The following PRDM16 variants were observed in gnomAD, a reference collection of about 807,000 sequenced individuals.
PRDM16 encodes the protein PR/SET domain 16, also known as histone-lysine N-methyltransferase PRDM16.
In PRDM16, 23 loss-of-function variants were observed where a neutral mutation model predicts 110.6. The observed-to-expected ratio is 0.21, with a 90% CI of 0.15 to 0.29. PRDM16 has a LOEUF of 0.29. Among genes scored for constraint, PRDM16 ranks in the 10% least tolerant of loss-of-function variants. The pLI is 1.00. For synonymous variants in PRDM16, 799 were observed against 781.8 expected (o/e 1.02, Z -0.37); for missense variants, 1,615 against 1,794.3 (o/e 0.90, Z 1.81).
At chr1:3,296,692 G>C (rs1015375553) in intron 3 of PRDM16, among the ~76,000 whole-genome samples, 1 of 152,250 alleles carries the variant, frequency 6.6e-6, no homozygotes, top group Non-Finnish European at 1.5e-5. Context: ...CAGCCTGGAT[G>C]CAGAGAGGGG....
intron 1 of PRDM16, among the ~76,000 whole-genome samples, chr1:3,091,488 G>C (rs1642275247): frequency 6.6e-6 from 1 of 152,220 alleles, no homozygotes; most frequent in African/African-American, 2.4e-5. Context: ...GGCAGGGGTT[G>C]GGCCGAATCC....
At chr1:3,093,214 G>T (rs1048273938) in intron 1 of PRDM16, among the ~76,000 whole-genome samples, 103 of 152,148 alleles carry the variant, frequency 6.8e-4, no homozygotes, top group Admixed American at 1.0e-3. Flanking sequence ...GAGAGCCCAG[G>T]CTACCCCTAT....
chr1:3,227,718 C>A (rs1639322172), intron 2 of PRDM16, among the ~76,000 whole-genome samples: 1 of 152,206 alleles, frequency 6.6e-6, no homozygotes, highest in South Asian at 2.1e-4. Flanking sequence ...CCCGTCTCCG[C>A]CAGCCCTAAC....
rs1336953384 is a variant in PRDM16 at position 3,209,626 on chromosome 1, T to C, written c.387+23152T>C. ...AATGTCCTGGAACCTCACTTCGGGA[T>C]CCTTTGTCGAGACCAATTGGCCACA... On this transcript the variant is annotated intron_variant, in intron 2 of 16. Coordinates refer to ENST00000270722, the MANE Select transcript of PRDM16 (RefSeq NM_022114.4). The surrounding 1 kb of genome is among the most constrained non-coding windows in gnomAD (Gnocchi z 4.6). 6.6e-6 allele frequency among the ~76,000 whole-genome samples: 1 copy of C among 152,184 alleles called. No homozygotes were observed.
chr1:3,154,008 G>A lies in PRDM16; in HGVS notation c.38-32117G>A, dbSNP rs111295051. 2.8e-4 allele frequency among the ~76,000 whole-genome samples: 43 copies of A among 152,326 alleles called. 1 individual carries two copies. The highest frequency in any genetic ancestry group is 6.3e-4 in the African/African-American group (26 of 41,578). ...TTCTGAAGCAATTAGGCTGACGCAC[G>A]GAAAATACAGTAAAATCAGCCCAGG... On this transcript the variant is annotated intron_variant, in intron 1 of 16. Coordinates refer to ENST00000270722, the MANE Select transcript of PRDM16 (RefSeq NM_022114.4).
chr1:3,104,860 G>A (rs1642614985), intron 1 of PRDM16, among the ~76,000 whole-genome samples: 1 of 152,164 alleles, frequency 6.6e-6, no homozygotes, highest in African/African-American at 2.4e-5. Context: ...GTACCCAGTG[G>A]CCACTTCATG....
chr1:3,386,926 G>C (rs7521103), intron 4 of PRDM16: 1 of 152,046 alleles, frequency 6.6e-6, no homozygotes, highest in Non-Finnish European at 1.5e-5. Context: ...AAACTTAAGC[G>C]GTAAAGTGGG....
chr1:3,245,346 C>G lies in PRDM16; in HGVS notation c.438+1209C>G, dbSNP rs929635514. ...CGAGGCATTTGGGCAGAGCTGCCTACGAGGGACAGGGGACCCACCATCTGG... is the reference window on the plus strand; with the variant it reads ...CGAGGCATTTGGGCAGAGCTGCCTAGGAGGGACAGGGGACCCACCATCTGG... On this transcript the variant is annotated intron_variant, in intron 3 of 16. Coordinates refer to ENST00000270722, the MANE Select transcript of PRDM16 (RefSeq NM_022114.4). This position sits in a 1 kb window ranked among gnomAD's most constrained non-coding sequence, Gnocchi z 4.7. Among the ~76,000 whole-genome samples, 5 of 152,290 alleles carry G rather than the reference C, an allele frequency of 3.3e-5. No individual in the cohort carries two copies. Among genetic ancestry groups the G allele is most frequent in the African/African-American group, 1.2e-4 (5 of 41,558 alleles).
chr1:3,070,432 G>A (rs1641721973), intron 1 of PRDM16, among the ~76,000 whole-genome samples: 1 of 148,136 alleles, frequency 6.8e-6, no homozygotes, highest in Non-Finnish European at 1.5e-5. Context: ...CCCGGCCAGC[G>A]CGGCTCCCGC....
At chr1:3,114,169 A>ACATG (rs1642863715) in intron 1 of PRDM16, among the ~76,000 whole-genome samples, 1 of 100,736 alleles carries the variant, frequency 9.9e-6, no homozygotes, top group Admixed American at 1.0e-4. Context: ...ACACACGCAC[A>ACATG]CACACGCACA....
At chr1:3,356,486 C>T (rs945996233) in intron 3 of PRDM16, among the ~76,000 whole-genome samples, 1 of 152,210 alleles carries the variant, frequency 6.6e-6, no homozygotes, top group East Asian at 1.9e-4. Context: ...CAGAGAAACA[C>T]TGTTGGGGAG....
At chr1:3,275,095 A>G (rs915584109) in intron 3 of PRDM16, among the ~76,000 whole-genome samples, 2 of 152,202 alleles carry the variant, frequency 1.3e-5, no homozygotes, top group Non-Finnish European at 2.9e-5. Flanking sequence ...GCCATTCTGG[A>G]CGCTTAGGTG....
At chr1:3,233,891 T>TAA (rs35006296) in intron 2 of PRDM16, among the ~76,000 whole-genome samples, 120 of 144,254 alleles carry the variant, frequency 8.3e-4, no homozygotes, top group African/African-American at 2.8e-3. Context: ...GGGGTTTTTT[T>TAA]AAAAAAAAAA....
chr1:3,133,198 T>C (rs968527957), intron 1 of PRDM16: 11 of 152,356 alleles, frequency 7.2e-5, no homozygotes, highest in African/African-American at 2.6e-4. Flanking sequence ...AGACTCAGGT[T>C]CCAGGGCAGG....
At chr1:3,402,558 T>C (rs1171454659) in intron 5 of PRDM16, among the ~76,000 whole-genome samples, 7 of 152,088 alleles carry the variant, frequency 4.6e-5, no homozygotes, top group Non-Finnish European at 7.4e-5. Flanking sequence ...GAGGCACAGA[T>C]TGGGGGGTCC....
chr1:3,251,617 G>T (rs1356952499), intron 3 of PRDM16, among the ~76,000 whole-genome samples: 1 of 152,004 alleles, frequency 6.6e-6, no homozygotes, highest in Non-Finnish European at 1.5e-5. Flanking sequence ...CGACGCCACA[G>T]GGTGCCCAGG....
intron 1 of PRDM16, among the ~76,000 whole-genome samples, chr1:3,146,989 C>T (rs1357203724): frequency 3.6e-5 from 3 of 83,340 alleles, no homozygotes; most frequent in South Asian, 4.6e-4. Context: ...GGTGTGTGTG[C>T]ATGTGTGTGC....
At chr1:3,306,942 T>C (rs980075310) in intron 3 of PRDM16, 5 of 152,244 alleles carry the variant, frequency 3.3e-5, no homozygotes, top group African/African-American at 1.2e-4. Flanking sequence ...CATGACCTTT[T>C]GTGACTGGCT....
At chr1:3,078,209 G>C (rs532224193) in intron 1 of PRDM16, among the ~76,000 whole-genome samples, 1 of 152,160 alleles carries the variant, frequency 6.6e-6, no homozygotes, top group East Asian at 1.9e-4. Flanking sequence ...TGTGTGCCGG[G>C]CTCCGAGACC....
Sources: gnomAD v4.1 joint callset for allele counts (sites outside exome capture counted in the v4.1 genomes callset) on GRCh38, gnomAD v4.1.1 for gene constraint, Gnocchi (gnomAD v3.1) non-coding constraint, MANE v1.5 for transcripts, NCBI Gene and HGNC (gene_info 2026-07-23, HGNC 2026-07-21) for gene names.